EPHA4: variants seen among roughly 807,000 people sequenced by gnomAD.
The protein encoded by EPHA4 is EPH receptor A4, also known as ephrin type-A receptor 4.
A neutral mutation model predicts 108.3 loss-of-function variants in EPHA4; 19 were observed. That is an observed-to-expected ratio of 0.18 (90% CI 0.12 to 0.26). EPHA4 has a LOEUF of 0.26. Among genes scored for constraint, EPHA4 ranks in the 10% least tolerant of loss-of-function variants. EPHA4 has a pLI of 1.00. For synonymous variants in EPHA4, 449 were observed against 455.5 expected (o/e 0.99, Z 0.18); for missense variants, 917 against 1,254.0 (o/e 0.73, Z 4.06).
At chr2:221,533,907 C>A (rs1693591648) in intron 3 of EPHA4, among the ~76,000 whole-genome samples, 1 of 152,116 alleles carries the variant, frequency 6.6e-6, no homozygotes, top group Non-Finnish European at 1.5e-5. Context: ...CTGGAAGAGC[C>A]AGCAGCGCCC....
chr2:221,485,919 A>G (rs1490276379), intron 4 of EPHA4, among the ~76,000 whole-genome samples: 1 of 152,180 alleles, frequency 6.6e-6, no homozygotes, highest in African/African-American at 2.4e-5. Context: ...AAAGAAGAGA[A>G]AACTGGTATT....
At chr2:221,426,288 A>C (rs1315187748) in intron 16 of EPHA4, 146 bp from the exon 17 acceptor site, 1 of 1,021,990 alleles carries the variant, frequency 9.8e-7, no homozygotes. Context: ...TCATTAAGCA[A>C]TTTAATGCAA....
At chr2:221,557,037 T>G (rs1694327529) in intron 3 of EPHA4, among the ~76,000 whole-genome samples, 1 of 152,194 alleles carries the variant, frequency 6.6e-6, no homozygotes, top group Non-Finnish European at 1.5e-5. Context: ...ATCAGTTAGC[T>G]TCTGGAAAAC....
intron 12 of EPHA4, among the ~76,000 whole-genome samples, chr2:221,436,846 ACAG>A (rs1690256303): frequency 6.6e-6 from 1 of 152,196 alleles, no homozygotes; most frequent in Non-Finnish European, 1.5e-5. Flanking sequence ...TACGGCTCCA[ACAG>A]CTCCACATTA....
chr2:221,496,490 T>C (rs1230333926), intron 4 of EPHA4, among the ~76,000 whole-genome samples: 2 of 152,256 alleles, frequency 1.3e-5, no homozygotes, highest in Non-Finnish European at 2.9e-5. Context: ...CCAGTTCTGC[T>C]GCCTGACTTA....
At chr2:221,474,464 C>G (rs1691598385) in intron 5 of EPHA4, among the ~76,000 whole-genome samples, 1 of 150,374 alleles carries the variant, frequency 6.7e-6, no homozygotes, top group Non-Finnish European at 1.5e-5. Context: ...TTTAAATGTG[C>G]ATTTCATAGG....
chr2:221,441,685 C>A (rs946760533), intron 11 of EPHA4, among the ~76,000 whole-genome samples: 6 of 152,260 alleles, frequency 3.9e-5, no homozygotes, highest in Non-Finnish European at 8.8e-5. Context: ...CCTGGGGCTC[C>A]AGAGGTCACT....
intron 4 of EPHA4, among the ~76,000 whole-genome samples, chr2:221,494,968 C>A (rs1301927976): frequency 5.8e-5 from 7 of 119,698 alleles, no homozygotes; most frequent in Admixed American, 1.1e-4. Flanking sequence ...CCTGAATGTG[C>A]AGAAATAATG....
At chr2:221,555,537 G>T (rs915918923) in intron 3 of EPHA4, among the ~76,000 whole-genome samples, 5 of 152,144 alleles carry the variant, frequency 3.3e-5, no homozygotes, top group Non-Finnish European at 7.3e-5. Flanking sequence ...AAAAGAAATA[G>T]ACCCTGAATA....
rs1199242129 is a variant in EPHA4 at position 221,556,012 on chromosome 2, A to C, written c.823+7719T>G. Reference sequence around the variant, plus strand: ...TGTGTTACCTTCCAAAGAAACTGAAAAGTGATGGACTAGGTGCAGTAGTTC... The same window carrying C: ...TGTGTTACCTTCCAAAGAAACTGAACAGTGATGGACTAGGTGCAGTAGTTC... On this transcript the variant is annotated intron_variant, in intron 3 of 17. Transcript: ENST00000281821. Among the ~76,000 whole-genome samples, 5 of 152,320 alleles carry C rather than the reference A, an allele frequency of 3.3e-5. No individual in the cohort carries two copies. In the East Asian group the frequency reaches 9.7e-4, roughly 29 times the overall value.
chr2:221,445,237 A>T (rs1224762336), intron 9 of EPHA4, among the ~76,000 whole-genome samples: 2 of 152,190 alleles, frequency 1.3e-5, no homozygotes, highest in Non-Finnish European at 2.9e-5. Context: ...GAACAATGTT[A>T]TCTCAGAAAG....
intron 8 of EPHA4, among the ~76,000 whole-genome samples, chr2:221,454,017 A>T (rs1690867398): frequency 6.6e-6 from 1 of 152,020 alleles, no homozygotes. Flanking sequence ...TCTCTACTAA[A>T]AATACAAAAA....
At chr2:221,524,992 GAAA>G in intron 3 of EPHA4, among the ~76,000 whole-genome samples, 1 of 151,870 alleles carries the variant, frequency 6.6e-6, no homozygotes, top group South Asian at 2.1e-4. Flanking sequence ...GCTGGAGAGA[GAAA>G]AAAAGAGGCA....
chr2:221,563,964 A>G lies in EPHA4; in HGVS notation c.590T>C (p.Val197Ala). The G allele has an allele frequency of 6.2e-7, 1 of 1,614,124 alleles. No individual in the cohort carries two copies. Among genetic ancestry groups the G allele is most frequent in the Non-Finnish European group, 8.5e-7 (1 of 1,180,028 alleles). The change falls in exon 3 of 18, where the codon GTC becomes GCC. Residue 197 changes from valine to alanine, a missense_variant. Physicochemically the swap from Val to Ala is moderately conservative, Grantham distance 64 (BLOSUM62 0). Coordinates refer to ENST00000281821, the MANE Select transcript of EPHA4 (RefSeq NM_004438.5). ...TGGACACTTTTTATAGAACACACGG[A>G]CTGATACCAGGGCGATGCAGGCCCC... is the stretch of plus-strand genomic sequence containing the variant. ...DVGACIALVS[V>A]RVFYKKCPLT...
At chr2:221,476,171 A>G (rs1691649421) in intron 5 of EPHA4, among the ~76,000 whole-genome samples, 1 of 152,184 alleles carries the variant, frequency 6.6e-6, no homozygotes, top group Non-Finnish European at 1.5e-5. Flanking sequence ...ATGAACCGAG[A>G]TCACATCATC....
intron 3 of EPHA4, among the ~76,000 whole-genome samples, chr2:221,517,327 G>T (rs886999628): frequency 1.3e-5 from 2 of 152,208 alleles, no homozygotes; most frequent in African/African-American, 4.8e-5. Flanking sequence ...TGTTGCAAGA[G>T]GCATGCCAAG....
chr2:221,482,911 C>G (rs1332784293), intron 4 of EPHA4, among the ~76,000 whole-genome samples: 2 of 152,192 alleles, frequency 1.3e-5, no homozygotes, highest in Non-Finnish European at 2.9e-5. Context: ...ACAAACAAGG[C>G]ATCGGTTGTC....
chr2:221,452,244 T>C lies in EPHA4; in HGVS notation c.1715+3303A>G, dbSNP rs372975023. ...CATTCCAGCATAAACATTTAGTGAT[T>C]CTAAGAAGCACAAAGCAGCCCCATC... On this transcript the variant is annotated intron_variant, in intron 8 of 17. Coordinates refer to ENST00000281821, the MANE Select transcript of EPHA4 (RefSeq NM_004438.5). Among the ~76,000 whole-genome samples, 3 of 152,350 alleles carry C rather than the reference T, an allele frequency of 2.0e-5. No individual in the cohort carries two copies. The East Asian group carries it at 5.8e-4, about 29-fold the overall frequency.
At chr2:221,550,383 A>G (rs938358771) in intron 3 of EPHA4, among the ~76,000 whole-genome samples, 20 of 150,460 alleles carry the variant, frequency 1.3e-4, no homozygotes, top group African/African-American at 4.7e-4. Flanking sequence ...TAATTTTATA[A>G]ATCAATTATA....
Sources: allele counts gnomAD v4.1 joint callset (sites outside exome capture counted in the v4.1 genomes callset), GRCh38; gene constraint gnomAD v4.1.1; transcripts MANE v1.5; gene names NCBI Gene and HGNC (gene_info 2026-07-23, HGNC 2026-07-21).